The following SEMA4B variants were observed in gnomAD, a reference collection of about 807,000 sequenced individuals.
The protein encoded by SEMA4B is semaphorin-4B.
A neutral mutation model predicts 88.1 loss-of-function variants in SEMA4B; 55 were observed. The observed-to-expected ratio is 0.62, with a 90% confidence interval of 0.50 to 0.78. The LOEUF is 0.78. Among genes scored for constraint, SEMA4B ranks in the 30% least tolerant of loss-of-function variants. The probability of loss-of-function intolerance (pLI) is 0.00; values close to 1 mark genes in which losing one functional copy is unlikely to be tolerated. For missense variants in SEMA4B, 1,062 were observed against 1,111.9 expected, an observed-to-expected ratio of 0.96 and a Z score of 0.64; for synonymous variants, 525 against 473.6, an observed-to-expected ratio of 1.11 and a Z score of -1.41.
At position 90,215,074 on chromosome 15, in the gene SEMA4B, CA is replaced by C. The variant is rs1961468941; in HGVS notation, c.158-2363del. On this transcript the variant is annotated intron_variant, in intron 1 of 13. Coordinates refer to ENST00000411539, the MANE Select transcript of SEMA4B (RefSeq NM_198925.4). Reference sequence around the variant, plus strand: ...GTGGTCATAACCCACTGGTCCGCTACAACGTGCCTGAGGGTGGTCAGGGTGC... The same window carrying C: ...GTGGTCATAACCCACTGGTCCGCTACACGTGCCTGAGGGTGGTCAGGGTGC... 9.7e-6 allele frequency: 10 copies of C among 1,034,788 alleles called. No homozygotes were observed. The South Asian group carries it at 1.8e-4, about 18-fold the overall frequency. The allele number at this position is 1,034,788 out of a possible 1,614,324, so 64.1% of individuals were successfully genotyped here.
intron 7 of SEMA4B, among the ~76,000 whole-genome samples, chr15:90,222,567 CA>C (rs57313158): frequency 0.031 from 4,497 of 143,152 alleles, 208 homozygotes; most frequent in African/African-American, 0.11. Context: ...AAGACTGTCT[CA>C]AAAAAAAAAA....
chr15:90,221,894 T>A, intron 7 of SEMA4B, 129 bp downstream of exon 7: 1 of 747,740 alleles, frequency 1.3e-6, no homozygotes, highest in Non-Finnish European at 2.1e-6. Context: ...ACAGCTTTTC[T>A]CTCTCACCTT....
Position 90,201,476 on chromosome 15 carries a change from C to T in SEMA4B, c.-103C>T, listed in dbSNP as rs1244109036. The T allele has an allele frequency of 2.3e-6, 3 of 1,310,050 alleles. No homozygotes were observed. Among genetic ancestry groups the T allele is most frequent in the East Asian group, 6.4e-5 (2 of 31,332 alleles). 81.2% of individuals were successfully genotyped at this position (1,310,050 alleles called of 1,614,324 possible). ...CCCCCAGGTCCGGAGGCGGGGGCCC[C>T]CGGGGCGACTCGGGGGCGGACCGCG... On this transcript the variant is annotated 5_prime_UTR_variant, in exon 1 of 14. Transcript: ENST00000411539.
Position 90,217,560 on chromosome 15 carries a change from C to A in SEMA4B, c.279C>A (p.Leu93=). Residue 93 remains leucine (L), a synonymous_variant, in exon 2 of 14, where the codon CTC becomes CTA. Coordinates refer to ENST00000411539, the MANE Select transcript of SEMA4B (RefSeq NM_198925.4). ...GTGCTCGAGAGGCCCTCTTTGCACT[C>A]AGTAGCAACCTCAGCTTCCTGCCAG... The part of the protein sequence containing the change: ...YVGAREALFA[L]SSNLSFLPGG... The A allele has an allele frequency of 6.2e-7, 1 of 1,613,958 alleles. No homozygotes were observed. Among genetic ancestry groups the A allele is most frequent in the South Asian group, 1.1e-5 (1 of 91,088 alleles).
Position 90,228,269 on chromosome 15 carries a change from T to C in SEMA4B, c.2140T>C (p.Tyr714His), listed in dbSNP as rs1260555267. ...GKASWGADRS[Y>H]WKEFLVMCTL... ...GGCCAGCTGGGGTGCAGACAGGTCCTACTGGAAGGAGTTCCTGGTGATGTG... is the reference window on the plus strand; with the variant it reads ...GGCCAGCTGGGGTGCAGACAGGTCCCACTGGAAGGAGTTCCTGGTGATGTG... Residue 714 changes from tyrosine to histidine, a missense_variant, in exon 14 of 14, where the codon TAC becomes CAC. Coordinates refer to ENST00000411539, the MANE Select transcript of SEMA4B (RefSeq NM_198925.4). 1 of 1,591,180 alleles carries C rather than the reference T, an allele frequency of 6.3e-7. No individual in the cohort carries two copies. The highest frequency in any genetic ancestry group is 8.6e-7 in the Non-Finnish European group (1 of 1,167,984).
Position 90,229,044 on chromosome 15 carries a change from C to CT in SEMA4B, c.*402dup. 1 of 361,402 alleles carries CT rather than the reference C, an allele frequency of 2.8e-6. No individual in the cohort carries two copies. The highest frequency in any genetic ancestry group is 5.4e-6 in the Non-Finnish European group (1 of 186,082). 22.4% of individuals were successfully genotyped at this position (361,402 alleles called of 1,614,324 possible). On this transcript the variant is annotated 3_prime_UTR_variant, in exon 14 of 14. Transcript: ENST00000411539. Reference sequence around the variant, plus strand: ...CTGGGGATGCATCCAAAGTGGTTGTCTGAGACAGAGTTGGAAACCCTCACC... The same window carrying CT: ...CTGGGGATGCATCCAAAGTGGTTGTCTTGAGACAGAGTTGGAAACCCTCACC...
chr15:90,201,677 CCTG>C lies in SEMA4B; in HGVS notation c.104_106del (p.Leu35del), dbSNP rs767200318. Reference sequence around the variant, plus strand: ...TGCTGCTGCTCCTGCTGCTGCTGCTCCTGCTGCAGCCGCCGCCTCCGACCTGGG... The same window carrying C: ...TGCTGCTGCTCCTGCTGCTGCTGCTCCTGCAGCCGCCGCCTCCGACCTGGG... On this transcript the variant is annotated inframe_deletion, in exon 1 of 14. Transcript: ENST00000411539. The C allele has an allele frequency of 4.0e-5, 61 of 1,513,014 alleles. 1 individual carries two copies. In the South Asian group the frequency reaches 6.1e-4, roughly 15 times the overall value. 93.7% of individuals were successfully genotyped at this position (1,513,014 alleles called of 1,614,324 possible). A position where few individuals can be genotyped will look rare whatever the true frequency, so the allele number is the denominator to read the frequency against.
At chr15:90,189,868 C>G (rs911889915) in intron 1 of SEMA4B, among the ~76,000 whole-genome samples, 6 of 152,340 alleles carry the variant, frequency 3.9e-5, no homozygotes, top group Admixed American at 6.5e-5. Flanking sequence ...GGGGTCCCTG[C>G]TCTGCTGCAC....
rs553414889 is a variant in SEMA4B at position 90,201,332 on chromosome 15, T to C, written c.-247T>C. On this transcript the variant is annotated 5_prime_UTR_variant, in exon 1 of 14. Coordinates refer to ENST00000411539, the MANE Select transcript of SEMA4B (RefSeq NM_198925.4). ...CTCCTTCAGCCCCGCCCTCCGCCGCTTGCGGGTGAGCTCTGCCCAAGCCGA... is the reference window on the plus strand; with the variant it reads ...CTCCTTCAGCCCCGCCCTCCGCCGCCTGCGGGTGAGCTCTGCCCAAGCCGA... 14 of 1,177,018 alleles carry C rather than the reference T, an allele frequency of 1.2e-5. No individual in the cohort carries two copies. The South Asian group carries it at 3.6e-4, about 30-fold the overall frequency. 72.9% of individuals were successfully genotyped at this position (1,177,018 alleles called of 1,614,324 possible).
chr15:90,201,486 T>G lies in SEMA4B; in HGVS notation c.-93T>G, dbSNP rs1409280772. The G allele has an allele frequency of 9.9e-6, 13 of 1,311,732 alleles. No individual in the cohort carries two copies. Among genetic ancestry groups the G allele is most frequent in the East Asian group, 9.5e-5 (3 of 31,414 alleles). The allele number at this position is 1,311,732 out of a possible 1,614,324, so 81.3% of individuals were successfully genotyped here. A position where few individuals can be genotyped will look rare whatever the true frequency, so the allele number is the denominator to read the frequency against. On this transcript the variant is annotated 5_prime_UTR_variant, in exon 1 of 14. Coordinates refer to ENST00000411539, the MANE Select transcript of SEMA4B (RefSeq NM_198925.4). ...CGGAGGCGGGGGCCCCCGGGGCGAC[T>G]CGGGGGCGGACCGCGGGGCGGAGCT...
intron 1 of SEMA4B, among the ~76,000 whole-genome samples, chr15:90,203,950 T>G (rs1419442547): frequency 6.6e-6 from 1 of 152,038 alleles, no homozygotes; most frequent in Non-Finnish European, 1.5e-5. Context: ...TACCCTGGAG[T>G]GCCCCCTCTC....
rs773935729 is a variant in SEMA4B at position 90,228,217 on chromosome 15, G to A, written c.2088G>A (p.Ser696=). 20 of 1,607,160 alleles carry A rather than the reference G, an allele frequency of 1.2e-5. No individual in the cohort carries two copies. Among genetic ancestry groups the A allele is most frequent in the Admixed American group, 5.1e-5 (3 of 59,318 alleles). ...GTGTACCCGTCATTATCAGCACATC[G>A]CGTGTGAGTGCACCAGCTGGTGGCA... ...GGSVPVIIST[S]RVSAPAGGKA... Residue 696 remains serine, a synonymous_variant, in exon 14 of 14, where the codon TCG becomes TCA. Coordinates refer to ENST00000411539, the MANE Select transcript of SEMA4B (RefSeq NM_198925.4).
chr15:90,198,824 C>A (rs1024506341), upstream of SEMA4B, among the ~76,000 whole-genome samples: 3 of 152,120 alleles, frequency 2.0e-5, no homozygotes, highest in Non-Finnish European at 4.4e-5. Context: ...ATGGGGGAAC[C>A]CTTGGAGGGT....
At chr15:90,189,806 G>A (rs1240233795) in intron 1 of SEMA4B, among the ~76,000 whole-genome samples, 1 of 152,286 alleles carries the variant, frequency 6.6e-6, no homozygotes, top group African/African-American at 2.4e-5. Context: ...TCCTGAAATG[G>A]CATCTCATTC....
chr15:90,222,657 C>T (rs1596154779), intron 7 of SEMA4B, among the ~76,000 whole-genome samples: 1 of 152,100 alleles, frequency 6.6e-6, no homozygotes, highest in Non-Finnish European at 1.5e-5. Context: ...AGAGCACAGA[C>T]CCTGGAGGCC....
chr15:90,221,183 C>T, intron 5 of SEMA4B, 90 bp downstream of exon 5: 4 of 1,141,418 alleles, frequency 3.5e-6, no homozygotes, highest in Non-Finnish European at 5.2e-6. Flanking sequence ...TGAGTCCATG[C>T]CATGCTTATT....
At chr15:90,204,180 C>T (rs1012688981) in intron 1 of SEMA4B, among the ~76,000 whole-genome samples, 1 of 152,150 alleles carries the variant, frequency 6.6e-6, no homozygotes, top group Non-Finnish European at 1.5e-5. Context: ...GACGCCGGGC[C>T]CAGGGCCCTA....
chr15:90,188,567 G>A (rs1960245790), intron 1 of SEMA4B, among the ~76,000 whole-genome samples: 1 of 152,028 alleles, frequency 6.6e-6, no homozygotes, highest in Non-Finnish European at 1.5e-5. Context: ...GGCGGAGGCT[G>A]CAGTGAGCCG....
intron 7 of SEMA4B, among the ~76,000 whole-genome samples, chr15:90,222,846 A>C (rs144672274): frequency 6.9e-6 from 1 of 144,166 alleles, no homozygotes; most frequent in Admixed American, 6.9e-5. Context: ...AATGTGAACT[A>C]TGAATGTTAT....
Sources: allele counts gnomAD v4.1 joint callset (sites outside exome capture counted in the v4.1 genomes callset), GRCh38; gene constraint gnomAD v4.1.1; transcripts MANE v1.5; gene names NCBI Gene and HGNC (gene_info 2026-07-23, HGNC 2026-07-21).